PTPN13: variants seen among roughly 807,000 people sequenced by gnomAD.
The protein encoded by PTPN13 is protein tyrosine phosphatase non-receptor type 13.
In PTPN13, 191 loss-of-function variants were observed where a neutral mutation model predicts 284.0. That is an observed-to-expected ratio of 0.67 (90% CI 0.60 to 0.76). The LOEUF is 0.76. Among genes scored for constraint, PTPN13 ranks in the 30% least tolerant of loss-of-function variants. PTPN13 has a pLI of 0.00. For synonymous variants in PTPN13, 986 were observed against 1,022.3 expected (o/e 0.96, Z 0.68); for missense variants, 2,797 against 2,939.9 (o/e 0.95, Z 1.12).
At position 86,814,641 on chromosome 4, in the gene PTPN13, G is replaced by A. The variant is rs146369916; in HGVS notation, c.*90G>A. ...TATCCAAAATAAAGATCACAGAGCAGCAAGTTCATACAACATGCATGTTCT... is the reference window on the plus strand; with the variant it reads ...TATCCAAAATAAAGATCACAGAGCAACAAGTTCATACAACATGCATGTTCT... On this transcript the variant is annotated 3_prime_UTR_variant, in exon 48 of 48. Coordinates refer to ENST00000411767, the MANE Select transcript of PTPN13 (RefSeq NM_080683.3). 2.4e-4 allele frequency: 249 copies of A among 1,027,292 alleles called. 2 individuals carry two copies. The African/African-American group carries it at 3.4e-3, about 14-fold the overall frequency. The allele number at this position is 1,027,292 out of a possible 1,614,324, so 63.6% of individuals were successfully genotyped here. A position where few individuals can be genotyped will look rare whatever the true frequency, so the allele number is the denominator to read the frequency against.
At chr4:86,648,379 T>C (rs1724682545) in intron 2 of PTPN13, among the ~76,000 whole-genome samples, 2 of 152,104 alleles carry the variant, frequency 1.3e-5, no homozygotes, top group African/African-American at 2.4e-5. Flanking sequence ...CCCCCCTCCA[T>C]ACTATCTTTC....
Position 86,722,281 on chromosome 4 carries a change from A to G in PTPN13, c.1455A>G (p.Glu485=), listed in dbSNP as rs2149090716. The change falls in exon 10 of 48, where the codon GAA becomes GAG. Residue 485 remains glutamate, a synonymous_variant. Coordinates refer to ENST00000411767, the MANE Select transcript of PTPN13 (RefSeq NM_080683.3). ...AGATCATGCTAAAACGGCAAGAGGAAGAACTGATGCAGCTACAAGCCAAAA... is the reference window on the plus strand; with the variant it reads ...AGATCATGCTAAAACGGCAAGAGGAGGAACTGATGCAGCTACAAGCCAAAA... ...NQEIMLKRQE[E]ELMQLQAKMA... The G allele has an allele frequency of 1.2e-6, 2 of 1,613,878 alleles. No individual in the cohort carries two copies. Among genetic ancestry groups the G allele is most frequent in the East Asian group, 2.2e-5 (1 of 44,868 alleles).
intron 9 of PTPN13, among the ~76,000 whole-genome samples, chr4:86,717,513 T>C (rs142796313): frequency 6.6e-6 from 1 of 152,132 alleles, no homozygotes; most frequent in Non-Finnish European, 1.5e-5. Flanking sequence ...TTTTCCTTTA[T>C]TTTTTGCATT....
At chr4:86,637,848 G>A (rs1474484090) in intron 2 of PTPN13, among the ~76,000 whole-genome samples, 3 of 147,390 alleles carry the variant, frequency 2.0e-5, no homozygotes, top group Non-Finnish European at 4.5e-5. Flanking sequence ...GGCAGGAGAA[G>A]GAAATAAAGG....
At chr4:86,754,506 C>T (rs949659310) in intron 20 of PTPN13, among the ~76,000 whole-genome samples, 24 of 151,830 alleles carry the variant, frequency 1.6e-4, no homozygotes, top group African/African-American at 5.8e-4. Context: ...TTTTTTCACA[C>T]GTAAGAAACC....
intron 23 of PTPN13, 47 bp from the exon 24 acceptor site, chr4:86,762,680 C>G (rs9307021): frequency 1.5e-6 from 2 of 1,372,862 alleles, no homozygotes; most frequent in Non-Finnish European, 2.0e-6. Context: ...TGTGTAAGCA[C>G]GTGTATCACT....
intron 1 of PTPN13, among the ~76,000 whole-genome samples, chr4:86,600,566 T>C (rs984843073): frequency 6.6e-6 from 1 of 151,666 alleles, no homozygotes; most frequent in African/African-American, 2.4e-5. Context: ...GTTTTAATGC[T>C]TCCCCACTTA....
At chr4:86,693,370 C>T (rs1217178295) in intron 5 of PTPN13, among the ~76,000 whole-genome samples, 2 of 152,122 alleles carry the variant, frequency 1.3e-5, no homozygotes, top group East Asian at 3.9e-4. Context: ...ACTGCTTCTT[C>T]CCTTTTAATT....
Position 86,779,939 on chromosome 4 carries a change from G to A in PTPN13, c.5892-463G>A, listed in dbSNP as rs569693097. Reference sequence around the variant, plus strand: ...AGATATATAAAACTTAATGAACTGTGATTTCTAAGTTATCTTTAAACTATT... The same window carrying A: ...AGATATATAAAACTTAATGAACTGTAATTTCTAAGTTATCTTTAAACTATT... On this transcript the variant is annotated intron_variant, in intron 35 of 47. Transcript: ENST00000411767. 1.1e-4 allele frequency among the ~76,000 whole-genome samples: 17 copies of A among 152,196 alleles called. No individual in the cohort carries two copies. The South Asian group carries it at 3.3e-3, about 30-fold the overall frequency.
At chr4:86,670,314 A>G (rs1331559525) in intron 2 of PTPN13, among the ~76,000 whole-genome samples, 1 of 149,240 alleles carries the variant, frequency 6.7e-6, no homozygotes, top group African/African-American at 2.5e-5. Context: ...ATCCCCATTC[A>G]AATGTATAAC....
At chr4:86,811,452 T>C (rs1745201915) in intron 47 of PTPN13, among the ~76,000 whole-genome samples, 3 of 152,210 alleles carry the variant, frequency 2.0e-5, no homozygotes, top group African/African-American at 7.2e-5. Context: ...GAAAAAGAGA[T>C]AGAAGGTAAC....
chr4:86,712,574 C>T lies in PTPN13; in HGVS notation c.1196-3956C>T, dbSNP rs564890457. Among the ~76,000 whole-genome samples, 4 of 151,956 alleles carry T rather than the reference C, an allele frequency of 2.6e-5. No individual in the cohort carries two copies. The East Asian group carries it at 7.7e-4, about 29-fold the overall frequency. Reference sequence around the variant, plus strand: ...ACTACTTCAGTTAACATAGATACACCCACCCCTACCCCAGTATTTGAAGAA... The same window carrying T: ...ACTACTTCAGTTAACATAGATACACTCACCCCTACCCCAGTATTTGAAGAA... On this transcript the variant is annotated intron_variant, in intron 7 of 47. Coordinates refer to ENST00000411767, the MANE Select transcript of PTPN13 (RefSeq NM_080683.3).
intron 28 of PTPN13, among the ~76,000 whole-genome samples, chr4:86,769,291 C>G (rs560809580): frequency 1.5e-4 from 23 of 152,184 alleles, no homozygotes. Context: ...ACCTGTCCTT[C>G]TGTGGAGTTT....
intron 5 of PTPN13, among the ~76,000 whole-genome samples, chr4:86,690,792 A>G (rs1402983984): frequency 6.6e-6 from 1 of 152,154 alleles, no homozygotes; most frequent in African/African-American, 2.4e-5. Flanking sequence ...ATAATTGCCC[A>G]TATTACATAT....
chr4:86,647,005 G>A (rs192652279), intron 2 of PTPN13, among the ~76,000 whole-genome samples: 66 of 152,256 alleles, frequency 4.3e-4, no homozygotes, highest in Non-Finnish European at 1.9e-4. Context: ...AAATTCTAAA[G>A]CATACAAACT....
intron 9 of PTPN13, among the ~76,000 whole-genome samples, chr4:86,721,339 A>G (rs1733625685): frequency 6.6e-6 from 1 of 152,112 alleles, no homozygotes; most frequent in Admixed American, 6.5e-5. Flanking sequence ...CTTTACAGGT[A>G]ATCATTGAGC....
intron 10 of PTPN13, among the ~76,000 whole-genome samples, chr4:86,731,244 T>C (rs192762091): frequency 1.9e-3 from 292 of 152,300 alleles, no homozygotes; most frequent in African/African-American, 6.9e-3. Flanking sequence ...ATTCTACCTT[T>C]TGCCCATTAA....
intron 10 of PTPN13, 37 bp downstream of exon 10, chr4:86,722,471 G>T: frequency 1.9e-6 from 3 of 1,545,260 alleles, no homozygotes; most frequent in Non-Finnish European, 2.7e-6. Context: ...ATCTAAACCT[G>T]CTCTCACAGG....
intron 7 of PTPN13, among the ~76,000 whole-genome samples, chr4:86,702,041 G>T (rs992135249): frequency 2.6e-5 from 4 of 152,028 alleles, no homozygotes; most frequent in Admixed American, 6.6e-5. Flanking sequence ...ATAGTCTCTC[G>T]ATATTTGGGA....
Sources: gnomAD v4.1 joint callset for allele counts (sites outside exome capture counted in the v4.1 genomes callset) on GRCh38, gnomAD v4.1.1 for gene constraint, MANE v1.5 for transcripts, NCBI Gene and HGNC (gene_info 2026-07-23, HGNC 2026-07-21) for gene names.